The following SBK1 variants were observed in gnomAD, a reference collection of about 807,000 sequenced individuals.
SBK1 encodes the protein SH3 domain binding kinase 1, also known as serine/threonine-protein kinase SBK1.
SBK1 carries 11 observed loss-of-function variants against 24.4 expected under a neutral mutation model. The observed-to-expected ratio is 0.45, with a 90% confidence interval of 0.28 to 0.75. The LOEUF is 0.75. Ranked by LOEUF, SBK1 falls within the 30% of genes least tolerant of loss-of-function variation. The probability of loss-of-function intolerance (pLI) is 0.12; values close to 1 mark genes in which losing one functional copy is unlikely to be tolerated. For synonymous variants in SBK1, 308 were observed against 284.4 expected, an observed-to-expected ratio of 1.08 and a Z score of -0.83; for missense variants, 467 against 620.5, an observed-to-expected ratio of 0.75 and a Z score of 2.63.
chr16:28,293,789 A>G (rs2044619463), intron 1 of SBK1, among the ~76,000 whole-genome samples: 1 of 151,708 alleles, frequency 6.6e-6, no homozygotes, highest in Non-Finnish European at 1.5e-5. Context: ...TGTCTGTGAG[A>G]GTGCGGGGAA....
rs1287804694 is a variant in SBK1 at position 28,323,126 on chromosome 16, C to G, written c.*2205C>G. The G allele has an allele frequency of 6.7e-6, 1 of 148,576 alleles. No individual in the cohort carries two copies. Among genetic ancestry groups the G allele is most frequent in the Non-Finnish European group, 1.5e-5 (1 of 67,362 alleles). 9.2% of individuals were successfully genotyped at this position (148,576 alleles called of 1,614,324 possible). The stretch of plus-strand genomic sequence containing the variant: ...TCCCAGAGGCACCCAGAGGGCCAGC[C>G]TCCAGCCTGACCCCAGAGCAGAACC... On this transcript the variant is annotated 3_prime_UTR_variant, in exon 4 of 4. Coordinates refer to ENST00000341901, the MANE Select transcript of SBK1 (RefSeq NM_001024401.3).
chr16:28,315,007 A>T (rs1320166987), intron 1 of SBK1, among the ~76,000 whole-genome samples: 1 of 152,106 alleles, frequency 6.6e-6, no homozygotes, highest in Non-Finnish European at 1.5e-5. Flanking sequence ...GGGAGAAGGG[A>T]GTGCAGGGAG....
At chr16:28,279,786 G>GC (rs1347804894) in intron 1 of SBK1, among the ~76,000 whole-genome samples, 1 of 152,036 alleles carries the variant, frequency 6.6e-6, no homozygotes, top group Non-Finnish European at 1.5e-5. Flanking sequence ...CTGGGGATGA[G>GC]CCCCTTCCTC....
Position 28,264,020 on chromosome 16 carries a change from T to G in SBK1, c.257+4518T>G, listed in dbSNP as rs554919467. ...GTCGTGGGCCTGTAGTCCCAGCTAC[T>G]CAGGAGGCTGAGGTGGGAGGGTTGC... On this transcript the variant is annotated intron_variant, in intron 1 of 3. Coordinates refer to the SBK1 transcript ENST00000671413. 2.6e-5 allele frequency among the ~76,000 whole-genome samples: 4 copies of G among 152,212 alleles called. No individual in the cohort carries two copies. In the South Asian group the frequency reaches 6.2e-4, roughly 24 times the overall value.
intron 2 of SBK1, among the ~76,000 whole-genome samples, chr16:28,318,009 C>T (rs558573703): frequency 6.6e-6 from 1 of 152,180 alleles, no homozygotes; most frequent in East Asian, 1.9e-4. Context: ...GGTGGTTCCT[C>T]AGGAACAGGG....
chr16:28,289,229 C>T (rs530471479), upstream of SBK1, among the ~76,000 whole-genome samples: 1 of 152,376 alleles, frequency 6.6e-6, no homozygotes, highest in Non-Finnish European at 1.5e-5. Flanking sequence ...CTCCAGCCCC[C>T]TCTTCTGCAC....
chr16:28,281,110 T>C (rs1338335731), intron 1 of SBK1, among the ~76,000 whole-genome samples: 5 of 152,128 alleles, frequency 3.3e-5, no homozygotes, highest in Non-Finnish European at 7.4e-5. Context: ...GGGAGGCACC[T>C]GGCATCTCAT....
rs113595983 is a variant in SBK1 at position 28,271,898 on chromosome 16, G to A, written c.257+12396G>A. Among the ~76,000 whole-genome samples the A allele has an allele frequency of 4.9e-3, 753 of 152,262 alleles. 5 individuals carry two copies. The highest frequency in any genetic ancestry group is 0.017 in the African/African-American group (725 of 41,560). ...AAAGACTCTGCCAAGAGAATGTGAAGAGAAGCCACAGAATGGCAGAAAATA... is the reference window on the plus strand; with the variant it reads ...AAAGACTCTGCCAAGAGAATGTGAAAAGAAGCCACAGAATGGCAGAAAATA... On this transcript the variant is annotated intron_variant, in intron 1 of 3. Coordinates refer to the SBK1 transcript ENST00000671413.
At chr16:28,275,048 C>T (rs531917722) in intron 1 of SBK1, among the ~76,000 whole-genome samples, 3 of 152,172 alleles carry the variant, frequency 2.0e-5, no homozygotes, top group South Asian at 2.1e-4. Flanking sequence ...GAAAAGGGGC[C>T]GGGCGTGGTG....
intron 1 of SBK1, among the ~76,000 whole-genome samples, chr16:28,295,355 C>G (rs2044631086): frequency 6.6e-6 from 1 of 152,152 alleles, no homozygotes; most frequent in South Asian, 2.1e-4. Flanking sequence ...CGTGCTCTTC[C>G]CCTGACCTGA....
In SBK1 at chr16:28,320,219, G is replaced by T; in HGVS notation, c.573G>T (p.Lys191Asn). 1 of 1,594,584 alleles carries T rather than the reference G, an allele frequency of 6.3e-7. No homozygotes were observed. Reference sequence around the variant, plus strand: ...TCGACCGCGAGTGCCGCCGCGTAAAGCTGGCCGACTTCGGCATGACGCGCC... The same window carrying T: ...TCGACCGCGAGTGCCGCCGCGTAAATCTGGCCGACTTCGGCATGACGCGCC... ...LLFDRECRRV[K>N]LADFGMTRRV... The change falls in exon 4 of 4, where the codon AAG (lysine) becomes AAT (asparagine). Residue 191 changes from lysine to asparagine, a missense_variant. Lys to Asn is a moderately conservative substitution (Grantham distance 94, BLOSUM62 0). Transcript: ENST00000341901. This position sits in a 1 kb window ranked among gnomAD's most constrained non-coding sequence, Gnocchi z 8.5.
chr16:28,308,740 GGTGTGTGTGTGTGTGTGT>G (rs763015809), intron 1 of SBK1, among the ~76,000 whole-genome samples: 14 of 130,536 alleles, frequency 1.1e-4, no homozygotes, highest in South Asian at 1.0e-3. Context: ...CGTTCTTTGG[GGTGTGTGTGTGTGTGTGT>G]GTGTGTGTGT....
chr16:28,305,817 A>G (rs1420742125), intron 1 of SBK1, among the ~76,000 whole-genome samples: 6 of 152,248 alleles, frequency 3.9e-5, no homozygotes, highest in Admixed American at 3.9e-4. Context: ...CTGGGATTAC[A>G]GGCATGAGCT....
chr16:28,286,870 G>A (rs1382964293), intron 1 of SBK1: 1 of 152,546 alleles, frequency 6.6e-6, no homozygotes, highest in Non-Finnish European at 1.5e-5. Flanking sequence ...AGCACTTTGG[G>A]AGGCCAAGGC....
intron 1 of SBK1, among the ~76,000 whole-genome samples, chr16:28,300,816 T>G (rs1295781706): frequency 6.6e-6 from 1 of 152,224 alleles, no homozygotes; most frequent in Non-Finnish European, 1.5e-5. Context: ...TATTTCACTT[T>G]ACTGAGGATG....
At chr16:28,282,086 T>C (rs1260435079) in intron 1 of SBK1, among the ~76,000 whole-genome samples, 1 of 152,152 alleles carries the variant, frequency 6.6e-6, no homozygotes, top group Non-Finnish European at 1.5e-5. Flanking sequence ...ATATCCCAGA[T>C]GCCTAATCAA....
intron 1 of SBK1, among the ~76,000 whole-genome samples, chr16:28,272,396 C>A (rs1395812414): frequency 2.0e-5 from 3 of 151,874 alleles, no homozygotes; most frequent in African/African-American, 7.3e-5. Flanking sequence ...AGAGCTTATT[C>A]ATCTTGCTTT....
intron 1 of SBK1, among the ~76,000 whole-genome samples, chr16:28,282,964 C>T (rs917742133): frequency 4.6e-5 from 7 of 152,268 alleles, no homozygotes; most frequent in African/African-American, 1.7e-4. Flanking sequence ...GACGGAGTCT[C>T]GCTCCATTGC....
Position 28,319,227 on chromosome 16 carries a change from A to G in SBK1, c.429+30A>G, listed in dbSNP as rs2044820660. 3 of 1,576,014 alleles carry G rather than the reference A, an allele frequency of 1.9e-6. No homozygotes were observed. The highest frequency in any genetic ancestry group is 3.3e-5 in the Admixed American group (2 of 59,868). On this transcript the variant is annotated intron_variant, in intron 3 of 3. Transcript: ENST00000341901. This position sits in a 1 kb window ranked among gnomAD's most constrained non-coding sequence, Gnocchi z 4.0. ...TCGGGATGGTGGCATAGGGTGGGGA[A>G]AGGGTCTTCAGGGTCCCAGAGTGTG...
Sources: allele counts gnomAD v4.1 joint callset (sites outside exome capture counted in the v4.1 genomes callset), GRCh38; gene constraint gnomAD v4.1.1; non-coding constraint Gnocchi (gnomAD v3.1); transcripts MANE v1.5; gene names NCBI Gene and HGNC (gene_info 2026-07-23, HGNC 2026-07-21).